The following DPH7 variants were observed in gnomAD, a reference collection of about 807,000 sequenced individuals.
DPH7 encodes the protein diphthine methyltransferase.
In DPH7, 44 loss-of-function variants were observed where a neutral mutation model predicts 41.7. The ratio of observed to expected loss-of-function variants is 1.05; its 90% confidence interval spans 0.83 to 1.36. DPH7 has a LOEUF of 1.36. Ranked by LOEUF, DPH7 falls within the 40% of genes most tolerant of loss-of-function variation. The pLI, the probability that DPH7 is intolerant of heterozygous loss-of-function variation, is 0.00. For synonymous variants in DPH7, 275 were observed against 238.0 expected, an observed-to-expected ratio of 1.16 and a Z score of -1.43; for missense variants, 629 against 577.5, an observed-to-expected ratio of 1.09 and a Z score of -0.91.
chr9:137,572,242 G>A (rs1361122013), intron 5 of DPH7, among the ~76,000 whole-genome samples: 5 of 152,196 alleles, frequency 3.3e-5, no homozygotes, highest in Admixed American at 6.5e-5. Context: ...GAAACATCCC[G>A]TGACGAAACC....
chr9:137,573,677 T>C, intron 5 of DPH7, among the ~76,000 whole-genome samples: 1 of 100,310 alleles, frequency 1.0e-5, no homozygotes, highest in African/African-American at 4.4e-5. Context: ...AGTGAGACTC[T>C]GTCTCAAAAA....
At chr9:137,573,300 G>T (rs1458975456) in intron 5 of DPH7, among the ~76,000 whole-genome samples, 1 of 144,266 alleles carries the variant, frequency 6.9e-6, no homozygotes, top group Non-Finnish European at 1.5e-5. Context: ...GGCGGAGCTT[G>T]CAGTGAGCCG....
chr9:137,557,119 G>T (rs1416618381), intron 8 of DPH7, among the ~76,000 whole-genome samples: 1 of 152,152 alleles, frequency 6.6e-6, no homozygotes, highest in Non-Finnish European at 1.5e-5. Flanking sequence ...ATGTTGTCCA[G>T]GCTAGTCTTG....
chr9:137,575,209 AG>A, intron 3 of DPH7: 3 of 1,010,766 alleles, frequency 3.0e-6, no homozygotes, highest in Non-Finnish European at 3.5e-6. Context: ...CCAGGCCTCC[AG>A]GGCCACTGGA....
chr9:137,572,081 A>T (rs545330328), intron 5 of DPH7, among the ~76,000 whole-genome samples: 1 of 152,310 alleles, frequency 6.6e-6, no homozygotes, highest in African/African-American at 2.4e-5. Flanking sequence ...GCCGCCTTAC[A>T]CACGTGCTCG....
At chr9:137,575,200 C>T (rs943542981) in intron 3 of DPH7, 1 of 1,013,762 alleles carries the variant, frequency 9.9e-7, no homozygotes, top group Non-Finnish European at 1.2e-6. Context: ...TTTCCCACCC[C>T]AGGCCTCCAG....
chr9:137,558,019 C>T (rs914107375), intron 8 of DPH7, among the ~76,000 whole-genome samples: 1 of 152,098 alleles, frequency 6.6e-6, no homozygotes, highest in African/African-American at 2.4e-5. Context: ...ACCTGTAATC[C>T]CAGCTACTCC....
Position 137,565,228 on chromosome 9 carries a change from T to C in DPH7, c.641-74A>G, listed in dbSNP as rs1448569891. On this transcript the variant is annotated intron_variant, in intron 5 of 8. Coordinates refer to ENST00000277540, the MANE Select transcript of DPH7 (RefSeq NM_138778.5). The stretch of plus-strand genomic sequence containing the variant: ...TGTTCTCAGTTAGGCCGTTGATGTC[T>C]GTGAGGAAGCTCCCCGGGGTGACTG... The C allele has an allele frequency of 2.6e-6, 4 of 1,518,648 alleles. No individual in the cohort carries two copies. In the South Asian group the frequency reaches 3.4e-5, roughly 13 times the overall value. 94.1% of individuals were successfully genotyped at this position (1,518,648 alleles called of 1,614,324 possible).
intron 8 of DPH7, among the ~76,000 whole-genome samples, chr9:137,560,935 T>C (rs1171902002): frequency 7.1e-6 from 1 of 141,754 alleles, no homozygotes; most frequent in Non-Finnish European, 1.5e-5. Flanking sequence ...GGCAGGAGAA[T>C]CGCTTGAACC....
intron 8 of DPH7, among the ~76,000 whole-genome samples, chr9:137,563,910 A>C (rs544455989): frequency 6.6e-6 from 1 of 152,236 alleles, no homozygotes; most frequent in African/African-American, 2.4e-5. Flanking sequence ...GGGACCTACT[A>C]GAACACAACG....
chr9:137,560,936 C>T lies in DPH7; in HGVS notation c.949+3498G>A, dbSNP rs1428598897. ...ACTCAGGAGGCTGAGGCAGGAGAAT[C>T]GCTTGAACCCGGGAGGTGGAGGTTG... is the stretch of plus-strand genomic sequence containing the variant. On this transcript the variant is annotated intron_variant, in intron 8 of 8. Coordinates refer to ENST00000277540, the MANE Select transcript of DPH7 (RefSeq NM_138778.5). 2.1e-5 allele frequency among the ~76,000 whole-genome samples: 3 copies of T among 144,986 alleles called. No individual in the cohort carries two copies. The Admixed American group carries it at 2.1e-4, about 10-fold the overall frequency.
At position 137,556,778 on chromosome 9, in the gene DPH7, C is replaced by G. The variant is rs2132779405; in HGVS notation, c.950-1130G>C. On this transcript the variant is annotated intron_variant, in intron 8 of 8. Transcript: ENST00000277540. This position sits in a 1 kb window ranked among gnomAD's most constrained non-coding sequence, Gnocchi z 5.2. ...GCTAGTCTTTCATCCAGCAATCGCTCAACACGTCCACTCGGGCCAGCAGGA... is the reference window on the plus strand; with the variant it reads ...GCTAGTCTTTCATCCAGCAATCGCTGAACACGTCCACTCGGGCCAGCAGGA... The G allele has an allele frequency of 2.2e-6, 1 of 455,902 alleles. No homozygotes were observed. The highest frequency in any genetic ancestry group is 7.0e-5 in the East Asian group (1 of 14,372). The allele number at this position is 455,902 out of a possible 1,614,324, so 28.2% of individuals were successfully genotyped here.
chr9:137,574,326 G>C lies in DPH7; in HGVS notation c.522C>G (p.His174Gln), dbSNP rs773599706. 1.2e-6 allele frequency: 2 copies of C among 1,614,208 alleles called. No individual in the cohort carries two copies. Among genetic ancestry groups the C allele is most frequent in the Non-Finnish European group, 1.7e-6 (2 of 1,180,042 alleles). The change falls in exon 5 of 9, where the codon CAC (histidine) becomes CAG (glutamine). Residue 174 changes from histidine to glutamine, a missense_variant. By Grantham distance (24) the His-to-Gln change is conservative (BLOSUM62 0). Coordinates refer to ENST00000277540, the MANE Select transcript of DPH7 (RefSeq NM_138778.5). ...IISSDSTGQL[H>Q]LLMVNETRPR... ...GCCTCGTCTCATTCACCATCAGGAGGTGGAGCTGCCCTGTGGAGTCACTGC... is the reference window on the plus strand; with the variant it reads ...GCCTCGTCTCATTCACCATCAGGAGCTGGAGCTGCCCTGTGGAGTCACTGC...
At chr9:137,557,236 G>A (rs542443572) in intron 8 of DPH7, among the ~76,000 whole-genome samples, 1 of 152,184 alleles carries the variant, frequency 6.6e-6, no homozygotes, top group Admixed American at 6.5e-5. Context: ...GGCCGGGCGC[G>A]GTGGCTCACA....
At chr9:137,562,393 C>T (rs892525583) in intron 8 of DPH7, among the ~76,000 whole-genome samples, 6 of 151,948 alleles carry the variant, frequency 3.9e-5, no homozygotes, top group Non-Finnish European at 5.9e-5. Flanking sequence ...CATTAGAAAT[C>T]GGTAACAGAA....
chr9:137,574,874 G>C (rs755134389), intron 3 of DPH7, 31 bp from the exon 4 acceptor site: 8 of 1,612,056 alleles, frequency 5.0e-6, no homozygotes, highest in Non-Finnish European at 6.8e-6. Context: ...CCATCAAAGG[G>C]AAGTAGCCGC....
chr9:137,564,910 G>A lies in DPH7; in HGVS notation c.759C>T (p.His253=). 1 of 1,596,752 alleles carries A rather than the reference G, an allele frequency of 6.3e-7. No individual in the cohort carries two copies. The highest frequency in any genetic ancestry group is 8.5e-7 in the Non-Finnish European group (1 of 1,171,676). The part of the protein sequence containing the change: ...CSIQSSPHRE[H]ILATGSYDEH... ...GGACTCACCTTCCCGTGGCCAGGAT[G>A]TGCTCCCGATGAGGGCTGCTCTGGA... The change falls in exon 7 of 9, where the codon CAC becomes CAT. Residue 253 remains histidine (H), a synonymous_variant. Transcript: ENST00000277540.
chr9:137,555,282 A>G lies in DPH7; in HGVS notation c.1316T>C (p.Phe439Ser). 1 of 1,613,542 alleles carries G rather than the reference A, an allele frequency of 6.2e-7. No individual in the cohort carries two copies. The highest frequency in any genetic ancestry group is 8.5e-7 in the Non-Finnish European group (1 of 1,179,682). Residue 439 changes from phenylalanine to serine, a missense_variant, in exon 9 of 9, where the codon TTC (phenylalanine) becomes TCC (serine). Coordinates refer to ENST00000277540, the MANE Select transcript of DPH7 (RefSeq NM_138778.5). Reference protein sequence around the residue: ...SAFSLLATCSFYDHALHLWEW... With the variant: ...SAFSLLATCSSYDHALHLWEW... Reference sequence around the variant, plus strand: ...CCAGAGGTGGAGCGCATGGTCATAGAAGGAGCAGGTGGCCAGGAGGCTGAA... The same window carrying G: ...CCAGAGGTGGAGCGCATGGTCATAGGAGGAGCAGGTGGCCAGGAGGCTGAA...
At chr9:137,571,346 C>T (rs1322723597) in intron 5 of DPH7, among the ~76,000 whole-genome samples, 1 of 151,926 alleles carries the variant, frequency 6.6e-6, no homozygotes, top group Non-Finnish European at 1.5e-5. Flanking sequence ...GCCACCATGC[C>T]CGGCTAATTT....
Sources: gnomAD v4.1 joint callset for allele counts (sites outside exome capture counted in the v4.1 genomes callset) on GRCh38, gnomAD v4.1.1 for gene constraint, Gnocchi (gnomAD v3.1) non-coding constraint, MANE v1.5 for transcripts, NCBI Gene and HGNC (gene_info 2026-07-23, HGNC 2026-07-21) for gene names.